The following FAM50B variants were observed in gnomAD, a reference collection of about 807,000 sequenced individuals.
FAM50B encodes protein FAM50B.
A neutral mutation model predicts 25.4 loss-of-function variants in FAM50B; 9 were observed. The observed-to-expected ratio is 0.35, with a 90% CI of 0.21 to 0.62. The LOEUF (loss-of-function observed/expected upper bound fraction) is 0.62, where lower values mean the gene tolerates loss of function less well. Ranked by LOEUF, FAM50B falls within the 20% of genes least tolerant of loss-of-function variation. FAM50B has a pLI of 0.73. For synonymous variants in FAM50B, 212 were observed against 204.3 expected (o/e 1.04, Z -0.32); for missense variants, 372 against 477.9 (o/e 0.78, Z 2.07).
At chr6:3,833,953 C>A in the FAM50B span, 2 of 152,206 alleles carry the variant, frequency 1.3e-5, no homozygotes, top group Non-Finnish European at 2.9e-5. Flanking sequence ...ATATACAATA[C>A]AAGCAAGCTT....
At chr6:3,840,934 G>A in the FAM50B span, among the ~76,000 whole-genome samples, 1 of 152,150 alleles carries the variant, frequency 6.6e-6, no homozygotes, top group South Asian at 2.1e-4. Context: ...GTGTAACTAG[G>A]GATAAATGTT....
At chr6:3,844,808 G>A (rs1762103289), upstream of FAM50B, among the ~76,000 whole-genome samples, 1 of 152,170 alleles carries the variant, frequency 6.6e-6, no homozygotes, top group Non-Finnish European at 1.5e-5. Flanking sequence ...ACAGATCTAT[G>A]TGCACATAAA....
At position 3,850,122 on chromosome 6, in the gene FAM50B, AGCGGGAGCAGGAGCAGCG is replaced by A; in HGVS notation, c.315_332del (p.Gln107_Glu112del). The A allele has an allele frequency of 6.2e-7, 1 of 1,610,068 alleles. No individual in the cohort carries two copies. The highest frequency in any genetic ancestry group is 8.5e-7 in the Non-Finnish European group (1 of 1,178,798). ...GAGCAGCGGCTGCAGCAGGAGCGGC[AGCGGGAGCAGGAGCAGCG>A]GCGCGAGCGCAAGCGTAAGATCTCC... On this transcript the variant is annotated inframe_deletion, in exon 2 of 2. Transcript: ENST00000648326.
At chr6:3,832,317 T>G in the FAM50B span, among the ~76,000 whole-genome samples, 1 of 152,252 alleles carries the variant, frequency 6.6e-6, no homozygotes, top group Non-Finnish European at 1.5e-5. Flanking sequence ...TTTGGGCTTG[T>G]GTGTGTATCA....
At chr6:3,847,395 A>G (rs757694841), upstream of FAM50B, among the ~76,000 whole-genome samples, 1 of 152,230 alleles carries the variant, frequency 6.6e-6, no homozygotes, top group Admixed American at 6.5e-5. Flanking sequence ...TTCACCTTGC[A>G]CTTTATGTTA....
chr6:3,849,772 T>G lies in FAM50B; in HGVS notation c.-23-17T>G, dbSNP rs1459343449. ...TGGGCCCCCCTCTACCTGCCGCGTT[T>G]TTCCTCTTTGCTGCAGAGCCCATCG... is the stretch of plus-strand genomic sequence containing the variant. On this transcript the variant is annotated splice_polypyrimidine_tract_variant and intron_variant, in intron 1 of 1. Coordinates refer to ENST00000648326, the MANE Select transcript of FAM50B (RefSeq NM_012135.3). 6.4e-7 allele frequency: 1 copy of G among 1,558,348 alleles called. No individual in the cohort carries two copies. Among genetic ancestry groups the G allele is most frequent in the African/African-American group, 1.4e-5 (1 of 74,012 alleles).
chr6:3,850,471 G>T lies in FAM50B; in HGVS notation c.660G>T (p.Leu220=), dbSNP rs778422915. The T allele has an allele frequency of 4.0e-5, 64 of 1,613,582 alleles. No homozygotes were observed. In the East Asian group the frequency reaches 1.3e-3, roughly 33 times the overall value. ...TCCTGAAGAAGGCGCTGCAGGGGCT[G>T]CGCAAGGACTTCCTGGAGCTGCGCT... ...QQFLKKALQG[L]RKDFLELRSA... Residue 220 remains leucine, a synonymous_variant, in exon 2 of 2, where the codon CTG becomes CTT. Transcript: ENST00000648326.
At chr6:3,836,700 T>C in the FAM50B span, among the ~76,000 whole-genome samples, 1 of 152,334 alleles carries the variant, frequency 6.6e-6, no homozygotes, top group Admixed American at 6.5e-5. Context: ...TGGCCATCTG[T>C]ACATGTTTTG....
At chr6:3,834,359 C>CAAAAAAAAAAAAAAAAAAAGAAAAAAAGA in the FAM50B span, among the ~76,000 whole-genome samples, 1 of 75,046 alleles carries the variant, frequency 1.3e-5, no homozygotes, top group African/African-American at 4.4e-5. Flanking sequence ...TGATATATGG[C>CAAAAAAAAAAAAAAAAAAAGAAAAAAAGA]AAAAAAAAAA....
the FAM50B span, among the ~76,000 whole-genome samples, chr6:3,835,109 A>G: frequency 6.6e-6 from 1 of 152,176 alleles, no homozygotes; most frequent in Admixed American, 6.5e-5. Context: ...GGGTTTCTGC[A>G]TGTCAGTGAA....
At chr6:3,836,748 G>C in the FAM50B span, among the ~76,000 whole-genome samples, 5 of 152,144 alleles carry the variant, frequency 3.3e-5, no homozygotes, top group Non-Finnish European at 7.3e-5. Flanking sequence ...CAATGCCATT[G>C]GTGTCATGAT....
In FAM50B at chr6:3,849,955, GT is replaced by G; in HGVS notation, c.146del (p.Phe49SerfsTer12). 1 of 1,613,948 alleles carries G rather than the reference GT, an allele frequency of 6.2e-7. No individual in the cohort carries two copies. The highest frequency in any genetic ancestry group is 8.5e-7 in the Non-Finnish European group (1 of 1,179,988). On this transcript the variant is annotated frameshift_variant, in exon 2 of 2. Coordinates refer to ENST00000648326, the MANE Select transcript of FAM50B (RefSeq NM_012135.3). LOFTEE classifies it high-confidence loss of function. ...TILKSQVDKR[F>X]SAHYDAVEAE... is the part of the protein sequence containing the mutation. ...TCCTCAAGTCGCAGGTGGACAAGAG[GT>G]TCTCGGCGCATTACGACGCCGTGGA...
upstream of FAM50B, among the ~76,000 whole-genome samples, chr6:3,849,209 G>T (rs1581303049): frequency 6.6e-6 from 1 of 152,182 alleles, no homozygotes; most frequent in Admixed American, 6.5e-5. Context: ...GCGCTGGCCC[G>T]CCCCACAGGA....
At chr6:3,843,401 AACCATGTT>A in the FAM50B span, among the ~76,000 whole-genome samples, 2 of 152,230 alleles carry the variant, frequency 1.3e-5, no homozygotes. Flanking sequence ...AAGAATATAA[AACCATGTT>A]CCATTCTTTT....
chr6:3,841,288 C>T, the FAM50B span, among the ~76,000 whole-genome samples: 3 of 152,144 alleles, frequency 2.0e-5, no homozygotes, highest in African/African-American at 7.2e-5. Context: ...AATGCAATTC[C>T]CCTGGGGCTG....
the FAM50B span, among the ~76,000 whole-genome samples, chr6:3,836,467 T>A: frequency 6.6e-6 from 1 of 152,214 alleles, no homozygotes; most frequent in African/African-American, 2.4e-5. Context: ...ATCCTTAGCA[T>A]CACTCACAAT....
At chr6:3,834,059 T>C in the FAM50B span, among the ~76,000 whole-genome samples, 4 of 152,116 alleles carry the variant, frequency 2.6e-5, no homozygotes, top group African/African-American at 9.7e-5. Flanking sequence ...TGAGAAAAAT[T>C]TCTAAGCTTT....
chr6:3,849,824 A>G lies in FAM50B; in HGVS notation c.13A>G (p.Lys5Glu). MAQY[K>E]GTMREAGRAM... ...GTAGGCGCGGGCCATGGCGCAGTAC[A>G]AGGGCACCATGCGCGAGGCAGGCCG... is the stretch of plus-strand genomic sequence containing the variant. The change falls in exon 2 of 2, where the codon AAG (lysine) becomes GAG (glutamate). Residue 5 changes from lysine to glutamate, a missense_variant. By Grantham distance (56) the Lys-to-Glu change is moderately conservative. Coordinates refer to ENST00000648326, the MANE Select transcript of FAM50B (RefSeq NM_012135.3). 1 of 1,610,732 alleles carries G rather than the reference A, an allele frequency of 6.2e-7. No individual in the cohort carries two copies. The highest frequency in any genetic ancestry group is 8.5e-7 in the Non-Finnish European group (1 of 1,178,580).
chr6:3,846,336 C>G (rs1204054644), upstream of FAM50B, among the ~76,000 whole-genome samples: 4 of 152,304 alleles, frequency 2.6e-5, no homozygotes, highest in East Asian at 5.8e-4. Flanking sequence ...TATGTTTATA[C>G]TATACTATAG....
Sources: gnomAD v4.1 joint callset for allele counts (sites outside exome capture counted in the v4.1 genomes callset) on GRCh38, gnomAD v4.1.1 for gene constraint, MANE v1.5 for transcripts, NCBI Gene and HGNC (gene_info 2026-07-23, HGNC 2026-07-21) for gene names.